The following LINGO2 variants were observed in gnomAD, a reference collection of about 807,000 sequenced individuals.
LINGO2 encodes the protein leucine-rich repeat and immunoglobulin-like domain-containing nogo receptor-interacting protein 2.
A neutral mutation model predicts 30.6 loss-of-function variants in LINGO2; 14 were observed. The observed-to-expected ratio is 0.46, with a 90% CI of 0.30 to 0.72. The LOEUF is 0.72. Ranked by LOEUF, LINGO2 falls within the 30% of genes least tolerant of loss-of-function variation. The probability of loss-of-function intolerance (pLI) is 0.07; values close to 1 mark genes in which losing one functional copy is unlikely to be tolerated. For missense variants in LINGO2, 729 were observed against 751.7 expected (o/e 0.97, Z 0.35); for synonymous variants, 317 against 288.5 (o/e 1.10, Z -1.00).
the LINGO2 span, among the ~76,000 whole-genome samples, chr9:28,804,501 C>A: frequency 6.6e-6 from 1 of 151,594 alleles, no homozygotes; most frequent in African/African-American, 2.4e-5. Flanking sequence ...TTTCCAAATT[C>A]TCAGTCTGGT....
intron 2 of LINGO2, among the ~76,000 whole-genome samples, chr9:28,442,378 A>C (rs1424535485): frequency 6.6e-6 from 1 of 152,180 alleles, no homozygotes; most frequent in African/African-American, 2.4e-5. Flanking sequence ...AATTTTTAAC[A>C]ATAAAGAATG....
At chr9:28,270,032 A>C (rs1366831046) in intron 4 of LINGO2, among the ~76,000 whole-genome samples, 2 of 152,130 alleles carry the variant, frequency 1.3e-5, no homozygotes, top group Admixed American at 6.5e-5. Flanking sequence ...ATTCTCAGAT[A>C]GTTTGTAAAT....
At chr9:28,829,517 C>T in the LINGO2 span, among the ~76,000 whole-genome samples, 19 of 152,202 alleles carry the variant, frequency 1.2e-4, no homozygotes, top group African/African-American at 4.6e-4. Context: ...ACATGGGACG[C>T]ACACAGAGTT....
intron 1 of LINGO2, among the ~76,000 whole-genome samples, chr9:28,510,138 T>C (rs1820311774): frequency 6.6e-6 from 1 of 152,186 alleles, no homozygotes; most frequent in Admixed American, 6.5e-5. Context: ...GACATTTTTA[T>C]TGACAGCATT....
intron 5 of LINGO2, among the ~76,000 whole-genome samples, chr9:27,976,915 TTC>T (rs1298672320): frequency 1.3e-5 from 2 of 152,038 alleles, no homozygotes; most frequent in African/African-American, 4.8e-5. Flanking sequence ...TTGCAGAACT[TTC>T]TGTGTATTTT....
chr9:27,987,268 G>T (rs1254140554), intron 5 of LINGO2, among the ~76,000 whole-genome samples: 1 of 151,714 alleles, frequency 6.6e-6, no homozygotes, highest in Non-Finnish European at 1.5e-5. Flanking sequence ...TCTGTAGTCA[G>T]GATATTTCCC....
chr9:28,291,751 CAG>C (rs1239217621), intron 4 of LINGO2, among the ~76,000 whole-genome samples: 3 of 151,906 alleles, frequency 2.0e-5, no homozygotes, highest in African/African-American at 4.8e-5. Flanking sequence ...TCAGATGATG[CAG>C]AGAGAGAGAA....
chr9:28,123,141 A>G (rs1827145263), intron 4 of LINGO2, among the ~76,000 whole-genome samples: 1 of 152,222 alleles, frequency 6.6e-6, no homozygotes, highest in South Asian at 2.1e-4. Context: ...AGAGGATTGA[A>G]TAACGGTGAA....
intron 1 of LINGO2, among the ~76,000 whole-genome samples, chr9:28,610,120 T>C (rs773892153): frequency 7.2e-5 from 11 of 152,180 alleles, no homozygotes; most frequent in Non-Finnish European, 1.6e-4. Context: ...TATGACATGA[T>C]TCTCCAATAG....
chr9:28,251,859 A>C (rs1822213044), intron 4 of LINGO2, among the ~76,000 whole-genome samples: 1 of 152,162 alleles, frequency 6.6e-6, no homozygotes, highest in African/African-American at 2.4e-5. Flanking sequence ...AATCCTACAT[A>C]TGTATGTACC....
intron 4 of LINGO2, chr9:28,012,413 A>AT (rs1057238893): frequency 9.9e-5 from 14 of 141,124 alleles, no homozygotes; most frequent in Middle Eastern, 3.6e-3. Context: ...ATCCTCAAGG[A>AT]TAAAAAAAAA....
intron 1 of LINGO2, among the ~76,000 whole-genome samples, chr9:28,491,747 G>C (rs1162114914): frequency 6.6e-6 from 1 of 152,072 alleles, no homozygotes; most frequent in African/African-American, 2.4e-5. Flanking sequence ...TTGTTCCAAA[G>C]AGTATTTAGG....
the LINGO2 span, among the ~76,000 whole-genome samples, chr9:29,119,577 CTTTTT>C: frequency 6.5e-3 from 536 of 82,558 alleles, 9 homozygotes; most frequent in African/African-American, 0.024. Flanking sequence ...CAGTTGTCAT[CTTTTT>C]TTTTTTTTTT....
chr9:29,144,895 T>C, the LINGO2 span, among the ~76,000 whole-genome samples: 1 of 152,322 alleles, frequency 6.6e-6, no homozygotes, highest in South Asian at 2.1e-4. Flanking sequence ...CTGTGGCTTT[T>C]TTTGCTGCAG....
chr9:28,755,646 C>T, the LINGO2 span, among the ~76,000 whole-genome samples: 3 of 152,084 alleles, frequency 2.0e-5, no homozygotes, highest in African/African-American at 7.3e-5. Flanking sequence ...GAGATGTCAT[C>T]ATGGCTTCCG....
chr9:28,320,032 T>C (rs1039117796), intron 3 of LINGO2, among the ~76,000 whole-genome samples: 12 of 152,128 alleles, frequency 7.9e-5, no homozygotes, highest in Non-Finnish European at 1.8e-4. Context: ...AAACATTTTG[T>C]CTCATTGCTC....
intron 1 of LINGO2, among the ~76,000 whole-genome samples, chr9:28,510,599 A>C (rs189677524): frequency 4.7e-4 from 71 of 152,112 alleles, no homozygotes; most frequent in Non-Finnish European, 6.6e-4. Context: ...AGGCACATTC[A>C]GTGAAACTTT....
chr9:28,429,372 A>C (rs1390225637), intron 2 of LINGO2, among the ~76,000 whole-genome samples: 1 of 152,216 alleles, frequency 6.6e-6, no homozygotes, highest in Admixed American at 6.5e-5. Flanking sequence ...CCTATATGGT[A>C]TAATGACAAT....
chr9:28,182,725 T>G (rs2133719128), intron 4 of LINGO2, among the ~76,000 whole-genome samples: 1 of 152,292 alleles, frequency 6.6e-6, no homozygotes, highest in South Asian at 2.1e-4. Flanking sequence ...TTGCTGGTCA[T>G]TAGAGAAATG....
Sources: gnomAD v4.1 joint callset for allele counts (sites outside exome capture counted in the v4.1 genomes callset) on GRCh38, gnomAD v4.1.1 for gene constraint, MANE v1.5 for transcripts, NCBI Gene and HGNC (gene_info 2026-07-23, HGNC 2026-07-21) for gene names.